The following TM4SF20 variants were observed in gnomAD, a reference collection of about 807,000 sequenced individuals.
TM4SF20 encodes the protein transmembrane 4 L6 family member 20.
A neutral mutation model predicts 15.1 loss-of-function variants in TM4SF20; 13 were observed. That is an observed-to-expected ratio of 0.86 (90% confidence interval 0.56 to 1.36). The LOEUF is 1.36. Among genes scored for constraint, TM4SF20 ranks in the 40% most tolerant of loss-of-function variants. TM4SF20 has a pLI of 0.00. For missense variants in TM4SF20, 282 were observed against 268.4 expected, an observed-to-expected ratio of 1.05 and a Z score of -0.35; for synonymous variants, 92 against 96.6, an observed-to-expected ratio of 0.95 and a Z score of 0.28.
chr2:227,372,829 C>T (rs377047645), intron 1 of TM4SF20, among the ~76,000 whole-genome samples: 5 of 152,108 alleles, frequency 3.3e-5, no homozygotes, highest in African/African-American at 4.8e-5. Context: ...CTCAGCCTCC[C>T]GAGTCGTTGG....
chr2:227,364,706 C>G (rs1327936283), intron 3 of TM4SF20, among the ~76,000 whole-genome samples: 1 of 152,142 alleles, frequency 6.6e-6, no homozygotes, highest in Admixed American at 6.5e-5. Context: ...AAATGTGTAG[C>G]AAGCCAAGGA....
rs368155944 is a variant in TM4SF20, at chr2:227,365,906, T to A, written c.401+187A>T. ...AAAAGTCCTTTTAGAGCATTGTAAA[T>A]CTAATGATTCCTCCATTTTGATGTG... On this transcript the variant is annotated intron_variant, in intron 3 of 3. Coordinates refer to ENST00000304568, the MANE Select transcript of TM4SF20 (RefSeq NM_024795.4). Among the ~76,000 whole-genome samples, 39 of 152,318 alleles carry A rather than the reference T, an allele frequency of 2.6e-4. 1 individual carries two copies. In the East Asian group the frequency reaches 6.6e-3, roughly 26 times the overall value.
intron 1 of TM4SF20, 132 bp downstream of exon 1, chr2:227,378,954 A>C: frequency 1.3e-6 from 1 of 787,644 alleles, no homozygotes. Context: ...AATATAAATT[A>C]ATGCCATACT....
chr2:227,374,320 A>T (rs1215574341), intron 1 of TM4SF20, among the ~76,000 whole-genome samples: 1 of 152,178 alleles, frequency 6.6e-6, no homozygotes, highest in Non-Finnish European at 1.5e-5. Flanking sequence ...GTATTAACAC[A>T]TCTTTGTAAT....
chr2:227,368,260 T>C (rs1283109259), intron 2 of TM4SF20, among the ~76,000 whole-genome samples: 1 of 148,500 alleles, frequency 6.7e-6, no homozygotes, highest in Non-Finnish European at 1.5e-5. Context: ...CCTGACCTTG[T>C]GATCCGCCCG....
intron 1 of TM4SF20, among the ~76,000 whole-genome samples, chr2:227,376,480 C>A (rs1484535871): frequency 6.6e-6 from 1 of 152,204 alleles, no homozygotes; most frequent in Non-Finnish European, 1.5e-5. Context: ...GTGGGCATAG[C>A]CTCTGTCTAT....
chr2:227,374,554 T>A (rs910872150), intron 1 of TM4SF20, among the ~76,000 whole-genome samples: 2 of 152,212 alleles, frequency 1.3e-5, no homozygotes, highest in African/African-American at 4.8e-5. Flanking sequence ...AATGCCTGAG[T>A]TTTTGTAAAA....
chr2:227,362,921 A>T lies in TM4SF20; in HGVS notation c.*803T>A, dbSNP rs2106486158. ...AAGTTTACATGTGTTTAGCTGAAAC[A>T]TGCCTCTATTCTCTTAATCTATAAC... is the stretch of plus-strand genomic sequence containing the variant. On this transcript the variant is annotated 3_prime_UTR_variant, in exon 4 of 4. Transcript: ENST00000304568. 6.6e-6 allele frequency: 1 copy of T among 152,328 alleles called. No individual in the cohort carries two copies. The highest frequency in any genetic ancestry group is 1.9e-4 in the East Asian group (1 of 5,188). The allele number at this position is 152,328 out of a possible 1,614,324, so 9.4% of individuals were successfully genotyped here.
At chr2:227,379,314 TG>T (rs758337757), upstream of TM4SF20, 74 of 1,526,502 alleles carry the variant, frequency 4.8e-5, no homozygotes, top group Non-Finnish European at 6.5e-5. Context: ...TATGCTTGCA[TG>T]GTACTATGTT....
chr2:227,373,013 C>T (rs1353789669), intron 1 of TM4SF20, among the ~76,000 whole-genome samples: 9 of 152,114 alleles, frequency 5.9e-5, no homozygotes, highest in African/African-American at 1.9e-4. Context: ...TGTGCTCAGC[C>T]GGGACTCTTA....
At chr2:227,372,187 CTG>C (rs1320903489) in intron 1 of TM4SF20, among the ~76,000 whole-genome samples, 2 of 152,208 alleles carry the variant, frequency 1.3e-5, no homozygotes, top group Non-Finnish European at 2.9e-5. Context: ...ATGCCAGACT[CTG>C]TTACAGGCAC....
At chr2:227,364,065 A>G (rs938134682) in intron 3 of TM4SF20, 53 bp from the exon 4 acceptor site, 4 of 1,521,224 alleles carry the variant, frequency 2.6e-6, no homozygotes, top group African/African-American at 1.4e-5. Flanking sequence ...TGACCAAAGG[A>G]AAGTAGCATT....
upstream of TM4SF20, among the ~76,000 whole-genome samples, chr2:227,381,012 C>A (rs1158577939): frequency 6.6e-6 from 1 of 152,144 alleles, no homozygotes; most frequent in Non-Finnish European, 1.5e-5. Flanking sequence ...TGGTGGCTCA[C>A]CCCTGTAATC....
intron 2 of TM4SF20, among the ~76,000 whole-genome samples, chr2:227,368,017 C>CTTTTTT (rs748891185): frequency 2.6e-5 from 3 of 116,692 alleles, no homozygotes; most frequent in Non-Finnish European, 5.3e-5. Context: ...TTTTAACCAT[C>CTTTTTT]TATTTTTTTT....
At chr2:227,373,785 C>T (rs995588940) in intron 1 of TM4SF20, among the ~76,000 whole-genome samples, 2 of 152,020 alleles carry the variant, frequency 1.3e-5, no homozygotes, top group Non-Finnish European at 2.9e-5. Flanking sequence ...AAAAATTAGC[C>T]GGGCTTGGTG....
chr2:227,380,144 C>T (rs1345694969), upstream of TM4SF20, among the ~76,000 whole-genome samples: 9 of 152,212 alleles, frequency 5.9e-5, no homozygotes, highest in Non-Finnish European at 8.8e-5. Flanking sequence ...GTCTGGCCAA[C>T]ATGGCAAAAC....
At chr2:227,365,807 A>G (rs2106488360) in intron 3 of TM4SF20, among the ~76,000 whole-genome samples, 1 of 152,320 alleles carries the variant, frequency 6.6e-6, no homozygotes. Flanking sequence ...ATATACATAC[A>G]CATATGTAAC....
chr2:227,366,253 T>G lies in TM4SF20; in HGVS notation c.250-9A>C. 6.2e-7 allele frequency: 1 copy of G among 1,608,914 alleles called. No individual in the cohort carries two copies. The highest frequency in any genetic ancestry group is 1.7e-5 in the Admixed American group (1 of 58,718). On this transcript the variant is annotated splice_polypyrimidine_tract_variant and intron_variant, in intron 2 of 3. Coordinates refer to ENST00000304568, the MANE Select transcript of TM4SF20 (RefSeq NM_024795.4). ...AGTGATGAAAGAAACATCTGAAAAA[T>G]AAAATAGAGCCATTTGCACATGTTA...
chr2:227,380,336 C>CA (rs1406644525), upstream of TM4SF20, among the ~76,000 whole-genome samples: 10 of 152,080 alleles, frequency 6.6e-5, no homozygotes, highest in Non-Finnish European at 1.3e-4. Flanking sequence ...TCTCAAAAAA[C>CA]AAAAACAATA....
Sources: allele counts gnomAD v4.1 joint callset (sites outside exome capture counted in the v4.1 genomes callset), GRCh38; gene constraint gnomAD v4.1.1; transcripts MANE v1.5; gene names NCBI Gene and HGNC (gene_info 2026-07-23, HGNC 2026-07-21).